The following WDR72 variants were observed in gnomAD, a reference collection of about 807,000 sequenced individuals.
WDR72 encodes the protein WD repeat-containing protein 72.
Under a neutral mutation model 124.2 loss-of-function variants are expected in WDR72, and 120 were observed. The ratio of observed to expected loss-of-function variants is 0.97; its 90% CI spans 0.83 to 1.12. WDR72 has a LOEUF of 1.12. Ranked by LOEUF, WDR72 falls within the 50% of genes most tolerant of loss-of-function variation. The probability of loss-of-function intolerance (pLI) is 0.00; values close to 1 mark genes in which losing one functional copy is unlikely to be tolerated. For missense variants in WDR72, 1,387 were observed against 1,278.8 expected (o/e 1.08, Z -1.29); for synonymous variants, 452 against 441.7 (o/e 1.02, Z -0.29).
intron 18 of WDR72, among the ~76,000 whole-genome samples, chr15:53,547,467 T>G (rs2140273194): frequency 6.6e-6 from 1 of 152,242 alleles, no homozygotes; most frequent in South Asian, 2.1e-4. Context: ...CTATAAACAA[T>G]GAGTGCTACT....
At position 53,613,623 on chromosome 15, in the gene WDR72, GA is replaced by G. The variant is rs34829468; in HGVS notation, c.2872+42del. On this transcript the variant is annotated intron_variant, in intron 16 of 19. Transcript: ENST00000360509. ...GAAAGACTAGTTATGTCCTTTCACA[GA>G]AAAAAAAAATCAGATCATATCTGTG... 562,584 of 1,279,064 alleles carry G rather than the reference GA, an allele frequency of 0.44. 119,373 individuals are homozygous for G. Among genetic ancestry groups the G allele is most frequent in the Middle Eastern group, 0.56 (2,964 of 5,330 alleles). The allele number at this position is 1,279,064 out of a possible 1,614,324, so 79.2% of individuals were successfully genotyped here.
rs1396083878 is a variant in WDR72, at chr15:53,705,027, C to T, written c.1309G>A (p.Ala437Thr). The T allele has an allele frequency of 6.2e-7, 1 of 1,614,002 alleles. No individual in the cohort carries two copies. Among genetic ancestry groups the T allele is most frequent in the Admixed American group, 1.7e-5 (1 of 59,998 alleles). The change falls in exon 11 of 20, where the codon GCC (alanine) becomes ACC (threonine). Residue 437 changes from alanine (A) to threonine (T), a missense_variant. Ala to Thr is a moderately conservative substitution (Grantham distance 58). Transcript: ENST00000360509. ...CCACCTTCCAGAAGTCTTGCTTTGGCAGCATTCAAAGCCTGGGTAATGATA... is the reference window on the plus strand; with the variant it reads ...CCACCTTCCAGAAGTCTTGCTTTGGTAGCATTCAAAGCCTGGGTAATGATA... ...TIIITQALNA[A>T]KARLLEGGSL... is the part of the protein sequence containing the mutation.
intron 14 of WDR72, among the ~76,000 whole-genome samples, chr15:53,616,777 C>G (rs1240491772): frequency 6.6e-6 from 1 of 152,010 alleles, no homozygotes; most frequent in Non-Finnish European, 1.5e-5. Context: ...AAGGCTGGCA[C>G]AGTGGGTTCC....
chr15:53,600,862 G>A (rs1479559415), intron 17 of WDR72, among the ~76,000 whole-genome samples: 1 of 152,154 alleles, frequency 6.6e-6, no homozygotes, highest in Admixed American at 6.6e-5. Flanking sequence ...CTGGAAACAT[G>A]CAAATTAGCA....
chr15:53,528,561 G>T (rs62005871), intron 18 of WDR72, among the ~76,000 whole-genome samples: 13,565 of 151,970 alleles, frequency 0.089, 744 homozygotes, highest in East Asian at 0.25. Flanking sequence ...GCTTTAAAGA[G>T]GATCTATTTT....
chr15:53,699,612 T>C (rs890294086), intron 13 of WDR72, 138 bp downstream of exon 13: 48 of 878,714 alleles, frequency 5.5e-5, no homozygotes, highest in Non-Finnish European at 3.5e-6. Flanking sequence ...TGCCTTTAAC[T>C]GAAGCCATTA....
chr15:53,599,193 T>A (rs2012927122), intron 17 of WDR72, among the ~76,000 whole-genome samples: 1 of 152,164 alleles, frequency 6.6e-6, no homozygotes, highest in South Asian at 2.1e-4. Flanking sequence ...CTGCTATATA[T>A]ATATCACAAT....
At chr15:53,621,179 C>G (rs1236681723) in intron 14 of WDR72, among the ~76,000 whole-genome samples, 1 of 151,868 alleles carries the variant, frequency 6.6e-6, no homozygotes, top group African/African-American at 2.4e-5. Context: ...GGGAGTGCTT[C>G]TACACTGCTG....
intron 18 of WDR72, among the ~76,000 whole-genome samples, chr15:53,557,765 C>T (rs1893984349): frequency 6.6e-6 from 1 of 151,924 alleles, no homozygotes; most frequent in East Asian, 1.9e-4. Flanking sequence ...GATTTAATAG[C>T]ATCTAAGGTT....
At chr15:53,631,536 GA>G (rs1378694497) in intron 14 of WDR72, among the ~76,000 whole-genome samples, 3 of 152,216 alleles carry the variant, frequency 2.0e-5, no homozygotes, top group African/African-American at 7.2e-5. Context: ...GGCAGAGGTT[GA>G]AAGAGTATGG....
intron 14 of WDR72, among the ~76,000 whole-genome samples, chr15:53,645,948 T>C (rs943020946): frequency 3.3e-5 from 5 of 152,166 alleles, no homozygotes; most frequent in Non-Finnish European, 7.3e-5. Flanking sequence ...TGGTGCATTA[T>C]TAACAATTAC....
intron 13 of WDR72, among the ~76,000 whole-genome samples, chr15:53,669,493 G>C (rs923399245): frequency 2.6e-5 from 4 of 152,000 alleles, no homozygotes; most frequent in African/African-American, 9.7e-5. Flanking sequence ...CTTCTTACTA[G>C]TCAATCTCTC....
intron 13 of WDR72, among the ~76,000 whole-genome samples, chr15:53,678,083 A>C (rs1227076529): frequency 1.3e-5 from 2 of 152,194 alleles, no homozygotes; most frequent in African/African-American, 4.8e-5. Flanking sequence ...TTAGGGATAG[A>C]TTTAAAGTAG....
chr15:53,723,433 C>T (rs1042080421), intron 2 of WDR72, among the ~76,000 whole-genome samples: 1 of 152,156 alleles, frequency 6.6e-6, no homozygotes. Context: ...TCAGGATTCC[C>T]ACTTCTAGGT....
intron 14 of WDR72, among the ~76,000 whole-genome samples, chr15:53,658,157 A>G (rs565794987): frequency 6.6e-6 from 1 of 152,324 alleles, no homozygotes; most frequent in South Asian, 2.1e-4. Flanking sequence ...AATAAATTAT[A>G]TCTGTAGTCC....
intron 14 of WDR72, among the ~76,000 whole-genome samples, chr15:53,665,204 TTTTTG>T (rs142008701): frequency 0.013 from 1,984 of 152,216 alleles, 30 homozygotes; most frequent in East Asian, 0.068. Flanking sequence ...TCTGATTTTT[TTTTTG>T]TTTATTTTCA....
intron 3 of WDR72, among the ~76,000 whole-genome samples, chr15:53,721,899 A>G (rs1567048483): frequency 6.6e-6 from 1 of 152,098 alleles, no homozygotes; most frequent in Non-Finnish European, 1.5e-5. Context: ...GGTAAGTCCT[A>G]TTTCATGAGG....
intron 2 of WDR72, among the ~76,000 whole-genome samples, chr15:53,724,723 G>A (rs112873994): frequency 0.019 from 2,900 of 152,266 alleles, 97 homozygotes; most frequent in African/African-American, 0.066. Context: ...TGGGGACACA[G>A]AGCCAAAACA....
chr15:53,630,695 A>G (rs1291438414), intron 14 of WDR72, among the ~76,000 whole-genome samples: 2 of 152,222 alleles, frequency 1.3e-5, no homozygotes, highest in African/African-American at 4.8e-5. Flanking sequence ...AACTAGGAAT[A>G]GAAAAGAACT....
Sources: allele counts gnomAD v4.1 joint callset (sites outside exome capture counted in the v4.1 genomes callset), GRCh38; gene constraint gnomAD v4.1.1; transcripts MANE v1.5; gene names NCBI Gene and HGNC (gene_info 2026-07-23, HGNC 2026-07-21).